HR: variants seen among roughly 807,000 people sequenced by gnomAD.
The protein encoded by HR is HR lysine demethylase and nuclear receptor corepressor.
HR carries 83 observed loss-of-function variants against 128.6 expected under a neutral mutation model. That is an observed-to-expected ratio of 0.65 (90% CI 0.54 to 0.77). The LOEUF is 0.77. Among genes scored for constraint, HR ranks in the 30% least tolerant of loss-of-function variants. The pLI is 0.00. For missense variants in HR, 1,490 were observed against 1,574.6 expected (o/e 0.95, Z 0.91); for synonymous variants, 681 against 658.2 (o/e 1.03, Z -0.53).
At chr8:22,129,781 C>A (rs1827001821) in intron 1 of HR, among the ~76,000 whole-genome samples, 1 of 152,186 alleles carries the variant, frequency 6.6e-6, no homozygotes, top group African/African-American at 2.4e-5. Flanking sequence ...CTGGGGAACG[C>A]TGCCAGCCAG....
At chr8:22,124,047 T>C (rs2131760916) in intron 5 of HR, among the ~76,000 whole-genome samples, 1 of 152,276 alleles carries the variant, frequency 6.6e-6, no homozygotes, top group East Asian at 1.9e-4. Flanking sequence ...TCCAGGGACA[T>C]TGGAGGCCTC....
At chr8:22,123,931 G>A in intron 5 of HR, 118 bp from the exon 6 acceptor site, 1 of 1,226,866 alleles carries the variant, frequency 8.2e-7, no homozygotes, top group South Asian at 1.3e-5. Flanking sequence ...TCCATGGAGA[G>A]GGCCCCCCCA....
rs750317721 is a variant in HR, at chr8:22,116,670, G to T, written c.3378+205C>A. Among the ~76,000 whole-genome samples, 29 of 152,370 alleles carry T rather than the reference G, an allele frequency of 1.9e-4. No homozygotes were observed. The highest frequency in any genetic ancestry group is 3.4e-4 in the Non-Finnish European group (23 of 68,036). ...TGACATCAGCATGCCCAGGAGACCA[G>T]GAGTGGACTCTGGCGCCAGTCCCAG... On this transcript the variant is annotated intron_variant, in intron 17 of 18. Coordinates refer to ENST00000381418, the MANE Select transcript of HR (RefSeq NM_005144.5). The surrounding 1 kb of genome is among the most constrained non-coding windows in gnomAD (Gnocchi z 4.2).
Position 22,115,472 on chromosome 8 carries a change from AG to A in HR, c.*227del. The A allele has an allele frequency of 1.6e-6, 1 of 608,580 alleles. No homozygotes were observed. Among genetic ancestry groups the A allele is most frequent in the South Asian group, 1.9e-5 (1 of 52,476 alleles). The allele number at this position is 608,580 out of a possible 1,614,324, so 37.7% of individuals were successfully genotyped here. A position where few individuals can be genotyped will look rare whatever the true frequency, so the allele number is the denominator to read the frequency against. Reference sequence around the variant, plus strand: ...GGCCTGGTACCATGAAAAGGGGCACAGGGTGGGGGAGATGCCAGCCTGAGAA... The same window carrying A: ...GGCCTGGTACCATGAAAAGGGGCACAGGTGGGGGAGATGCCAGCCTGAGAA... On this transcript the variant is annotated 3_prime_UTR_variant, in exon 19 of 19. Transcript: ENST00000381418.
At position 22,123,819 on chromosome 8, in the gene HR, G is replaced by A; in HGVS notation, c.1751-6C>T. The A allele has an allele frequency of 6.3e-7, 1 of 1,595,084 alleles. No individual in the cohort carries two copies. Among genetic ancestry groups the A allele is most frequent in the Non-Finnish European group, 8.5e-7 (1 of 1,174,114 alleles). ...TGTCACGGCTGGCCCTTGGCCTGCT[G>A]ACCACGGAGAGAACAGGGTCAGAGG... On this transcript the variant is annotated splice_polypyrimidine_tract_variant and splice_region_variant and intron_variant, in intron 5 of 18. Coordinates refer to ENST00000381418, the MANE Select transcript of HR (RefSeq NM_005144.5).
At chr8:22,125,987 C>G (rs967050740) in intron 3 of HR, among the ~76,000 whole-genome samples, 1 of 152,176 alleles carries the variant, frequency 6.6e-6, no homozygotes, top group Non-Finnish European at 1.5e-5. Flanking sequence ...GTGTTGAGCC[C>G]AAGGCTTTGG....
In HR at chr8:22,127,741, C is replaced by T. The variant is rs779568109; in HGVS notation, c.701G>A (p.Gly234Asp). ...CTCCCCGGCTCTCTGCAGGTGCCCA[C>T]CAGAGTTTAAGCCAAACAACCCAGG... ...AEPGLFGLNSGGHLQRAGEAE... is the reference protein window; with the variant it reads ...AEPGLFGLNSDGHLQRAGEAE... The change falls in exon 3 of 19, where the codon GGT becomes GAT. Residue 234 changes from glycine (G) to aspartate (D), a missense_variant. By Grantham distance (94) the Gly-to-Asp change is moderately conservative (BLOSUM62 -1). Around this residue, in one of 3 missense-constraint regions of HR, gnomAD observed 1,060 missense variants for 1,060.9 expected, o/e 1.00. Coordinates refer to ENST00000381418, the MANE Select transcript of HR (RefSeq NM_005144.5). 7 of 1,604,220 alleles carry T rather than the reference C, an allele frequency of 4.4e-6. No homozygotes were observed. The East Asian group carries it at 1.6e-4, about 36-fold the overall frequency.
intron 3 of HR, among the ~76,000 whole-genome samples, 175 bp from the exon 4 acceptor site, chr8:22,125,907 C>T (rs763409537): frequency 2.6e-5 from 4 of 152,094 alleles, no homozygotes; most frequent in African/African-American, 4.8e-5. Flanking sequence ...AAGGCTCGCA[C>T]GCCAGGCTGA....
chr8:22,129,044 G>C lies in HR; in HGVS notation c.127C>G (p.Leu43Val). 2 of 1,602,720 alleles carry C rather than the reference G, an allele frequency of 1.2e-6. No homozygotes were observed. Among genetic ancestry groups the C allele is most frequent in the South Asian group, 2.2e-5 (2 of 89,702 alleles). The stretch of plus-strand genomic sequence containing the variant: ...CTCCAAAAGGGAGCAGGCTCTCCCA[G>C]GCACAGCGGCCCATGGTGCAGTCCA... ...RDGLHHGPLCLGEPAPFWRGV... is the reference protein window; with the variant it reads ...RDGLHHGPLCVGEPAPFWRGV... Residue 43 changes from leucine (L) to valine (V), a missense_variant, in exon 2 of 19, where the codon CTG becomes GTG. Coordinates refer to ENST00000381418, the MANE Select transcript of HR (RefSeq NM_005144.5).
rs1441630787 is a variant in HR, at chr8:22,127,664, G to A, written c.778C>T (p.Gln260Ter). Reference protein sequence around the residue: ...QRDGEMGAGRQQNPCPLFLGQ... With the variant: ...QRDGEMGAGR ...AGGAAGAGCGGGCAAGGATTCTGCT[G>A]CCGGCCAGCTCCCATCTCTCCATCC... is the stretch of plus-strand genomic sequence containing the variant. Residue 260 changes from glutamine (Q) to a stop codon, truncating the protein, a stop_gained, in exon 3 of 19, where the codon CAG becomes TAG. Transcript: ENST00000381418. LOFTEE classifies it high-confidence loss of function. 2 of 1,609,094 alleles carry A rather than the reference G, an allele frequency of 1.2e-6. No individual in the cohort carries two copies. The highest frequency in any genetic ancestry group is 1.7e-6 in the Non-Finnish European group (2 of 1,178,856).
rs991154565 is a variant in HR, at chr8:22,121,087, G to C, written c.2345C>G (p.Pro782Arg). 6.2e-7 allele frequency: 1 copy of C among 1,613,626 alleles called. No homozygotes were observed. The highest frequency in any genetic ancestry group is 1.1e-5 in the South Asian group (1 of 91,094). The change falls in exon 10 of 19, where the codon CCC becomes CGC. Residue 782 changes from proline to arginine, a missense_variant. By Grantham distance (103) the Pro-to-Arg change is moderately radical. This residue lies in a region of HR where 1,060 missense variants were observed against 1,060.9 expected (regional missense o/e 1.00). Transcript: ENST00000381418. ...CACACTGGGCAGGGCCGGAGTGACG[G>C]GGGCGAAGGCCATGTGTATTCGCTC... ...GHERIHMAFA[P>R]VTPALPSDDR... is the part of the protein sequence containing the mutation.
intron 6 of HR, 32 bp downstream of exon 6, chr8:22,123,617 T>TGGGGGGCGCCCC: frequency 6.8e-6 from 2 of 292,092 alleles, no homozygotes; most frequent in Non-Finnish European, 1.2e-5. Context: ...GAGGGCTCCA[T>TGGGGGGCGCCCC]CCCGCCCTCC....
chr8:22,123,082 G>T (rs886654398), intron 6 of HR, among the ~76,000 whole-genome samples: 5 of 152,188 alleles, frequency 3.3e-5, no homozygotes, highest in African/African-American at 1.2e-4. Context: ...GAGAGGCTTT[G>T]CAGGTCCTTA....
chr8:22,119,270 G>A lies in HR; in HGVS notation c.2991C>T (p.His997=), dbSNP rs780629584. 2.9e-5 allele frequency: 47 copies of A among 1,613,528 alleles called. No homozygotes were observed. The Admixed American group carries it at 3.8e-4, about 13-fold the overall frequency. Residue 997 remains histidine, a synonymous_variant, in exon 15 of 19, where the codon CAC becomes CAT. Transcript: ENST00000381418. ...GGTTCTTGGTCCCCAGGTGTCCCCG[G>A]TGCGGGCTCACACCTGCATGGCAAT... ...QLWAAYGVSP[H]RGHLGTKNLC...
In HR at chr8:22,119,288, A is replaced by G. The variant is rs1826673740; in HGVS notation, c.2978-5T>C. The G allele has an allele frequency of 1.2e-6, 2 of 1,613,342 alleles. No homozygotes were observed. The highest frequency in any genetic ancestry group is 2.7e-5 in the African/African-American group (2 of 74,912). On this transcript the variant is annotated splice_polypyrimidine_tract_variant and splice_region_variant and intron_variant, in intron 14 of 18. Transcript: ENST00000381418. ...GTCCCCGGTGCGGGCTCACACCTGC[A>G]TGGCAATAGAGAAAGAACAGTTAGA... is the stretch of plus-strand genomic sequence containing the variant.
chr8:22,117,104 G>T (rs537909818), intron 16 of HR, 65 bp from the exon 17 acceptor site: 33 of 1,413,598 alleles, frequency 2.3e-5, no homozygotes, highest in Non-Finnish European at 3.1e-5. Context: ...GGAGGATGGG[G>T]CATGGACTTT....
Position 22,122,484 on chromosome 8 carries a change from G to C in HR, c.2121+9C>G, listed in dbSNP as rs1826778694. The C allele has an allele frequency of 6.3e-7, 1 of 1,592,228 alleles. No individual in the cohort carries two copies. The highest frequency in any genetic ancestry group is 1.3e-5 in the African/African-American group (1 of 74,514). ...CGATACCCAACCGGTGACATGCCCT[G>C]GGTCTTACCTGCTGGCCTGCATCCC... On this transcript the variant is annotated intron_variant, in intron 8 of 18. Transcript: ENST00000381418.
chr8:22,123,923 C>G, intron 5 of HR, 110 bp from the exon 6 acceptor site: 1 of 1,280,370 alleles, frequency 7.8e-7, no homozygotes, highest in Non-Finnish European at 1.1e-6. Context: ...GAGCAGCTTC[C>G]ATGGAGAGGG....
Position 22,123,693 on chromosome 8 carries a change from G to A in HR, c.1871C>T (p.Ala624Val). ...CCCAGTGCCTGCCACACGACCACAG[G>A]CCACACACAGCCGGTGGCTGCAGCG... ...CPRCSHRLCV[A>V]CGRVAGTGRA... The change falls in exon 6 of 19, where the codon GCC becomes GTC. Residue 624 changes from alanine (A) to valine (V), a missense_variant. By Grantham distance (64) the Ala-to-Val change is moderately conservative. Coordinates refer to ENST00000381418, the MANE Select transcript of HR (RefSeq NM_005144.5). The A allele has an allele frequency of 7.4e-7, 1 of 1,357,134 alleles. No homozygotes were observed. The highest frequency in any genetic ancestry group is 9.7e-7 in the Non-Finnish European group (1 of 1,032,022). 84.1% of individuals were successfully genotyped at this position (1,357,134 alleles called of 1,614,324 possible).
Sources: allele counts gnomAD v4.1 joint callset (sites outside exome capture counted in the v4.1 genomes callset), GRCh38; gene constraint gnomAD v4.1.1; regional missense constraint gnomAD v4.1.1; non-coding constraint Gnocchi (gnomAD v3.1); transcripts MANE v1.5; gene names NCBI Gene and HGNC (gene_info 2026-07-23, HGNC 2026-07-21).